The following ULK2 variants were observed in gnomAD, a reference collection of about 807,000 sequenced individuals.
ULK2 encodes unc-51 like autophagy activating kinase 2.
A neutral mutation model predicts 127.5 loss-of-function variants in ULK2; 76 were observed. The ratio of observed to expected loss-of-function variants is 0.60; its 90% confidence interval spans 0.50 to 0.72. ULK2 has a LOEUF of 0.72. Ranked by LOEUF, ULK2 falls within the 30% of genes least tolerant of loss-of-function variation. ULK2 has a pLI of 0.00. For missense variants in ULK2, 1,144 were observed against 1,295.9 expected (o/e 0.88, Z 1.80); for synonymous variants, 452 against 461.9 (o/e 0.98, Z 0.28).
chr17:19,859,690 A>C (rs1037846730), intron 3 of ULK2, among the ~76,000 whole-genome samples: 8 of 152,166 alleles, frequency 5.3e-5, no homozygotes, highest in Admixed American at 2.0e-4. Flanking sequence ...GTGGTTTCTT[A>C]AGCTACAGGA....
At chr17:19,864,124 CAGAGGGACCCT>C (rs1205227597) in intron 3 of ULK2, among the ~76,000 whole-genome samples, 2 of 152,060 alleles carry the variant, frequency 1.3e-5, no homozygotes, top group Non-Finnish European at 2.9e-5. Context: ...CTGAGCAACA[CAGAGGGACCCT>C]ATCTCTACAA....
At chr17:19,831,941 C>T (rs2041458916) in intron 10 of ULK2, among the ~76,000 whole-genome samples, 1 of 152,144 alleles carries the variant, frequency 6.6e-6, no homozygotes. Flanking sequence ...GCCTGGCCAA[C>T]ATGATGAAAC....
intron 10 of ULK2, among the ~76,000 whole-genome samples, chr17:19,829,391 C>G (rs184383060): frequency 8.6e-5 from 13 of 151,928 alleles, no homozygotes; most frequent in African/African-American, 2.9e-4. Flanking sequence ...CAAAAATTAG[C>G]CAGGTGTGGT....
At chr17:19,803,684 G>A (rs1279598086) in intron 15 of ULK2, among the ~76,000 whole-genome samples, 2 of 152,088 alleles carry the variant, frequency 1.3e-5, no homozygotes, top group Admixed American at 6.5e-5. Context: ...TGGAATGGAA[G>A]GTGTGTAATA....
intron 11 of ULK2, among the ~76,000 whole-genome samples, 182 bp from the exon 12 acceptor site, chr17:19,825,364 C>T (rs1341671769): frequency 2.0e-5 from 3 of 152,174 alleles, no homozygotes; most frequent in Non-Finnish European, 2.9e-5. Flanking sequence ...ATTTCAACTT[C>T]GTTTCAGAAG....
At chr17:19,813,569 T>G (rs2152389256) in intron 13 of ULK2, among the ~76,000 whole-genome samples, 1 of 152,304 alleles carries the variant, frequency 6.6e-6, no homozygotes. Context: ...CAATAGCACA[T>G]TTTTAATCAT....
chr17:19,850,212 A>G (rs2041981667), intron 3 of ULK2, among the ~76,000 whole-genome samples: 2 of 152,124 alleles, frequency 1.3e-5, no homozygotes, highest in African/African-American at 4.8e-5. Context: ...GCACAGTCTG[A>G]TTTCTGGAAT....
chr17:19,800,114 G>T (rs2087365337), intron 16 of ULK2, among the ~76,000 whole-genome samples: 1 of 152,174 alleles, frequency 6.6e-6, no homozygotes, highest in African/African-American at 2.4e-5. Context: ...CTACACCACA[G>T]TCTGAGACTC....
chr17:19,794,895 G>T (rs1487857083), intron 20 of ULK2, among the ~76,000 whole-genome samples: 1 of 152,030 alleles, frequency 6.6e-6, no homozygotes, highest in Non-Finnish European at 1.5e-5. Context: ...TGGCTAACAT[G>T]GTGAAACCCT....
chr17:19,821,711 AT>A (rs555226333), intron 12 of ULK2, among the ~76,000 whole-genome samples: 1,522 of 151,814 alleles, frequency 0.01, 18 homozygotes, highest in Middle Eastern at 0.024. Context: ...CTTTATTTCC[AT>A]TTTTTTTAAA....
At chr17:19,857,732 CCTG>C (rs1317580024) in intron 3 of ULK2, among the ~76,000 whole-genome samples, 1 of 152,166 alleles carries the variant, frequency 6.6e-6, no homozygotes, top group Non-Finnish European at 1.5e-5. Flanking sequence ...GTATCACTCT[CCTG>C]CTTTTAAAAC....
rs554643908 is a variant in ULK2 at position 19,851,326 on chromosome 17, CAAAAAAAAAA to C, written c.226-1562_226-1553del. On this transcript the variant is annotated intron_variant, in intron 3 of 26. Transcript: ENST00000395544. ...TGGGCAACAGAGTGAGACTTCCCCT[CAAAAAAAAAA>C]AAAAAAAAAAAAAAAATTAGGCTGG... is the stretch of plus-strand genomic sequence containing the variant. Among the ~76,000 whole-genome samples the C allele has an allele frequency of 2.7e-4, 11 of 41,050 alleles. No homozygotes were observed. In the South Asian group the frequency reaches 3.3e-3, roughly 12 times the overall value. The allele number at this position is 41,050 out of a possible 152,430, so 26.9% of individuals were successfully genotyped here.
At position 19,773,592 on chromosome 17, in the gene ULK2, C is replaced by T. The variant is rs2086766428; in HGVS notation, c.*2757G>A. On this transcript the variant is annotated 3_prime_UTR_variant, in exon 27 of 27. Transcript: ENST00000395544. ...TAACTTGATATTCCCAGACAAGTGC[C>T]AGGAGAGAAGCTGTTGCAAATGCTG... 3 of 152,188 alleles carry T rather than the reference C, an allele frequency of 2.0e-5. No individual in the cohort carries two copies. In the South Asian group the frequency reaches 6.2e-4, roughly 32 times the overall value. 9.4% of individuals were successfully genotyped at this position (152,188 alleles called of 1,614,324 possible). A position where few individuals can be genotyped will look rare whatever the true frequency, so the allele number is the denominator to read the frequency against.
intron 15 of ULK2, among the ~76,000 whole-genome samples, 156 bp downstream of exon 15, chr17:19,804,537 C>T (rs562596994): frequency 6.6e-6 from 1 of 152,152 alleles, no homozygotes; most frequent in African/African-American, 2.4e-5. Flanking sequence ...CATTTAAATT[C>T]ATCAATTATA....
intron 21 of ULK2, 24 bp downstream of exon 21, chr17:19,785,913 T>C (rs1212132664): frequency 6.3e-7 from 1 of 1,592,702 alleles, no homozygotes; most frequent in Admixed American, 1.8e-5. Flanking sequence ...AGCCAAAGAC[T>C]GTAATATAAC....
chr17:19,776,344 G>A lies in ULK2; in HGVS notation c.*5C>T, dbSNP rs757224100. Reference sequence around the variant, plus strand: ...CACCACCGGTCCACGGGATGAGCCTGCTGCTCACACGGTTGCGGTGCTATG... The same window carrying A: ...CACCACCGGTCCACGGGATGAGCCTACTGCTCACACGGTTGCGGTGCTATG... On this transcript the variant is annotated 3_prime_UTR_variant, in exon 27 of 27. Coordinates refer to ENST00000395544, the MANE Select transcript of ULK2 (RefSeq NM_014683.4). The A allele has an allele frequency of 1.9e-6, 3 of 1,602,430 alleles. No individual in the cohort carries two copies. The highest frequency in any genetic ancestry group is 1.6e-4 in the Middle Eastern group (1 of 6,068).
intron 13 of ULK2, among the ~76,000 whole-genome samples, chr17:19,815,739 T>C (rs148879998): frequency 6.6e-6 from 1 of 152,238 alleles, no homozygotes; most frequent in African/African-American, 2.4e-5. Flanking sequence ...TTACTTTTGG[T>C]AAATAAATAA....
intron 3 of ULK2, among the ~76,000 whole-genome samples, chr17:19,860,212 C>G (rs2042212955): frequency 6.6e-6 from 1 of 152,182 alleles, no homozygotes; most frequent in South Asian, 2.1e-4. Context: ...ATTTACCATT[C>G]ACACAGTATT....
intron 11 of ULK2, 96 bp downstream of exon 11, chr17:19,826,043 G>C (rs2041287862): frequency 2.3e-6 from 1 of 432,802 alleles, no homozygotes; most frequent in African/African-American, 2.1e-5. Flanking sequence ...AATTTTAGGA[G>C]TCACAATAAA....
Sources: allele counts gnomAD v4.1 joint callset (sites outside exome capture counted in the v4.1 genomes callset), GRCh38; gene constraint gnomAD v4.1.1; transcripts MANE v1.5; gene names NCBI Gene and HGNC (gene_info 2026-07-23, HGNC 2026-07-21).